The following TJP1 variants were observed in gnomAD, a reference collection of about 807,000 sequenced individuals.
TJP1 encodes tight junction protein ZO-1.
In TJP1, 43 loss-of-function variants were observed where a neutral mutation model predicts 194.2. That is an observed-to-expected ratio of 0.22 (90% CI 0.17 to 0.29). The LOEUF (loss-of-function observed/expected upper bound fraction) is 0.29. TJP1 is among the 10% of genes least tolerant of loss of function. The pLI is 1.00. For missense variants in TJP1, 1,971 were observed against 2,185.7 expected (o/e 0.90, Z 1.96); for synonymous variants, 801 against 779.0 (o/e 1.03, Z -0.47).
intron 2 of TJP1, among the ~76,000 whole-genome samples, chr15:29,789,696 A>T (rs2047945441): frequency 6.6e-6 from 1 of 152,216 alleles, no homozygotes; most frequent in South Asian, 2.1e-4. Flanking sequence ...TCCAACTTTC[A>T]TAAAATTGAC....
At position 29,730,420 on chromosome 15, in the gene TJP1, AAATAAT is replaced by A. The variant is rs373108847; in HGVS notation, c.2017+2007_2017+2012del. Among the ~76,000 whole-genome samples the A allele has an allele frequency of 4.2e-3, 628 of 150,684 alleles. 4 individuals carry two copies. Among genetic ancestry groups the A allele is most frequent in the African/African-American group, 0.014 (589 of 41,110 alleles). ...ACCTAGTGAGACCCTGTTTCTACAAAAATAATAATAATAATAATAATAATAAACTAG... is the reference window on the plus strand; with the variant it reads ...ACCTAGTGAGACCCTGTTTCTACAAAAATAATAATAATAATAATAAACTAG... On this transcript the variant is annotated intron_variant, in intron 15 of 27. Coordinates refer to ENST00000614355, the MANE Select transcript of TJP1 (RefSeq NM_001330239.4).
chr15:29,864,011 GT>G (rs2152107786), intron 2 of TJP1, among the ~76,000 whole-genome samples: 1 of 152,226 alleles, frequency 6.6e-6, no homozygotes, highest in South Asian at 2.1e-4. Context: ...TCCCAAAGTT[GT>G]TTAAGGATTC....
At chr15:29,910,185 G>A (rs906811258) in intron 2 of TJP1, among the ~76,000 whole-genome samples, 5 of 152,108 alleles carry the variant, frequency 3.3e-5, no homozygotes, top group African/African-American at 9.7e-5. Flanking sequence ...AACAATAGCC[G>A]GCAGTAGAAA....
intron 2 of TJP1, among the ~76,000 whole-genome samples, chr15:29,788,680 T>C (rs1353295287): frequency 6.6e-6 from 1 of 152,236 alleles, no homozygotes; most frequent in Non-Finnish European, 1.5e-5. Flanking sequence ...TTCCTTGCTT[T>C]CTATACTCAT....
At chr15:29,949,649 ACCAC>A (rs2055541071) in intron 2 of TJP1, among the ~76,000 whole-genome samples, 1 of 98,072 alleles carries the variant, frequency 1.0e-5, no homozygotes, top group Non-Finnish European at 2.1e-5. Context: ...CTCCACCACC[ACCAC>A]CTCCACCTCC....
At chr15:29,779,612 G>A (rs926655348) in intron 2 of TJP1, among the ~76,000 whole-genome samples, 4 of 152,306 alleles carry the variant, frequency 2.6e-5, no homozygotes, top group Middle Eastern at 3.4e-3. Context: ...AGTGGTTCAC[G>A]AAGTTAGTGA....
intron 2 of TJP1, among the ~76,000 whole-genome samples, chr15:29,871,177 C>G (rs1268248822): frequency 1.3e-5 from 2 of 152,214 alleles, no homozygotes; most frequent in African/African-American, 4.8e-5. Context: ...CAACTCAAGG[C>G]TCATTTAACC....
chr15:29,924,964 G>A (rs1198300177), intron 2 of TJP1, among the ~76,000 whole-genome samples: 2 of 152,206 alleles, frequency 1.3e-5, no homozygotes, highest in Non-Finnish European at 2.9e-5. Context: ...AAGTCTCCCA[G>A]AATGCAGTGG....
chr15:29,875,693 G>T (rs751744024), intron 2 of TJP1, among the ~76,000 whole-genome samples: 13 of 152,078 alleles, frequency 8.5e-5, no homozygotes, highest in Admixed American at 5.2e-4. Flanking sequence ...CAGCCTCCCA[G>T]GTAGCTGGGA....
chr15:29,848,141 T>C (rs1021025180), intron 2 of TJP1, among the ~76,000 whole-genome samples: 1 of 152,166 alleles, frequency 6.6e-6, no homozygotes, highest in African/African-American at 2.4e-5. Flanking sequence ...AAATATGGTC[T>C]TTCTTGGTGA....
intron 2 of TJP1, among the ~76,000 whole-genome samples, chr15:29,921,301 C>T (rs1402130873): frequency 6.6e-6 from 1 of 152,190 alleles, no homozygotes; most frequent in Non-Finnish European, 1.5e-5. Context: ...GACCAGATTC[C>T]TTTCATTCCA....
intron 2 of TJP1, among the ~76,000 whole-genome samples, chr15:29,869,868 G>A (rs565890395): frequency 1.0e-3 from 141 of 135,256 alleles, no homozygotes; most frequent in Middle Eastern, 7.9e-3. Context: ...GTGCAGTGGC[G>A]CGATCTCGGC....
intron 2 of TJP1, among the ~76,000 whole-genome samples, chr15:29,836,406 G>A (rs2051031507): frequency 6.6e-6 from 1 of 151,774 alleles, no homozygotes; most frequent in African/African-American, 2.4e-5. Context: ...CCGAGTAGCT[G>A]GGACTACAGG....
At chr15:29,748,955 C>T (rs7497875) in intron 8 of TJP1, among the ~76,000 whole-genome samples, 3,303 of 23,790 alleles carry the variant, frequency 0.14, 42 homozygotes, top group South Asian at 0.24. Flanking sequence ...TGTGTGTGTG[C>T]GCGTGTGTGC....
intron 2 of TJP1, among the ~76,000 whole-genome samples, chr15:29,920,331 A>G (rs912216948): frequency 2.0e-5 from 3 of 152,194 alleles, no homozygotes; most frequent in African/African-American, 7.2e-5. Flanking sequence ...ACAAAATATA[A>G]GGCTACTCCT....
At chr15:29,895,031 T>C (rs2053433388) in intron 2 of TJP1, among the ~76,000 whole-genome samples, 3 of 152,290 alleles carry the variant, frequency 2.0e-5, no homozygotes, top group East Asian at 3.9e-4. Context: ...TTCAAATTGT[T>C]CTGCCACCAA....
At chr15:29,750,282 C>G (rs369493552) in intron 8 of TJP1, among the ~76,000 whole-genome samples, 50 of 152,134 alleles carry the variant, frequency 3.3e-4, no homozygotes, top group African/African-American at 1.1e-3. Context: ...GGATTACAGG[C>G]GTGAGCCACC....
chr15:29,720,970 G>A (rs1254464683), intron 18 of TJP1, among the ~76,000 whole-genome samples: 1 of 152,082 alleles, frequency 6.6e-6, no homozygotes, highest in Non-Finnish European at 1.5e-5. Flanking sequence ...GCCCAGCCCT[G>A]GAAGACAACG....
intron 1 of TJP1, among the ~76,000 whole-genome samples, chr15:29,956,660 A>G (rs1879896): frequency 0.18 from 26,834 of 152,172 alleles, 2,652 homozygotes; most frequent in East Asian, 0.3. Context: ...CAGGAGGATC[A>G]CTTGAGCCCA....
Sources: allele counts gnomAD v4.1 joint callset (sites outside exome capture counted in the v4.1 genomes callset), GRCh38; gene constraint gnomAD v4.1.1; transcripts MANE v1.5; gene names NCBI Gene and HGNC (gene_info 2026-07-23, HGNC 2026-07-21).